HNRNPD: variants seen among roughly 807,000 people sequenced by gnomAD.
The protein encoded by HNRNPD is heterogeneous nuclear ribonucleoprotein D0.
HNRNPD carries 3 observed loss-of-function variants against 47.9 expected under a neutral mutation model. The ratio of observed to expected loss-of-function variants is 0.06; its 90% CI spans 0.03 to 0.16. HNRNPD has a LOEUF of 0.16. Ranked by LOEUF, HNRNPD falls within the 10% of genes least tolerant of loss-of-function variation. The probability of loss-of-function intolerance (pLI) is 1.00; values close to 1 mark genes in which losing one functional copy is unlikely to be tolerated. For synonymous variants in HNRNPD, 171 were observed against 165.1 expected, an observed-to-expected ratio of 1.04 and a Z score of -0.28; for missense variants, 287 against 454.2, an observed-to-expected ratio of 0.63 and a Z score of 3.35.
rs532379677 is a variant in HNRNPD, at chr4:82,365,609, G to A, written c.290+5919C>T. Among the ~76,000 whole-genome samples, 5 of 151,974 alleles carry A rather than the reference G, an allele frequency of 3.3e-5. No homozygotes were observed. In the East Asian group the frequency reaches 5.8e-4, roughly 18 times the overall value. ...AGATCTGATCTGGTATAAAATTCAT[G>A]AAAACCACTTTTTTGAGACAGAGTC... On this transcript the variant is annotated intron_variant, in intron 2 of 8. Transcript: ENST00000313899.
intron 2 of HNRNPD, among the ~76,000 whole-genome samples, chr4:82,368,639 C>T (rs1294374443): frequency 6.6e-6 from 1 of 152,158 alleles, no homozygotes; most frequent in African/African-American, 2.4e-5. Context: ...GTCAAAGGCT[C>T]CCAAGAATGC....
chr4:82,365,899 C>T (rs544254724), intron 2 of HNRNPD, among the ~76,000 whole-genome samples: 1 of 151,338 alleles, frequency 6.6e-6, no homozygotes, highest in East Asian at 1.9e-4. Context: ...CGTGAGCCAC[C>T]GCACCCAGCC....
Position 82,365,123 on chromosome 4 carries a change from C to A in HNRNPD, c.291-5484G>T, listed in dbSNP as rs180921338. On this transcript the variant is annotated intron_variant, in intron 2 of 8. Coordinates refer to ENST00000313899, the MANE Select transcript of HNRNPD (RefSeq NM_031370.3). ...CCAGGCTAGTCACAGAACTCCTGGACATAGCGATCAGCCTCCCAAAGTGCT... is the reference window on the plus strand; with the variant it reads ...CCAGGCTAGTCACAGAACTCCTGGAAATAGCGATCAGCCTCCCAAAGTGCT... Among the ~76,000 whole-genome samples, 33 of 152,300 alleles carry A rather than the reference C, an allele frequency of 2.2e-4. 1 individual carries two copies. The East Asian group carries it at 5.6e-3, about 26-fold the overall frequency.
intron 2 of HNRNPD, among the ~76,000 whole-genome samples, chr4:82,362,706 G>T (rs1391046563): frequency 6.6e-6 from 1 of 151,716 alleles, no homozygotes; most frequent in African/African-American, 2.4e-5. Context: ...AGGTTCAAGT[G>T]ATTCTCATTC....
At chr4:82,359,979 C>T (rs1723890652) in intron 2 of HNRNPD, among the ~76,000 whole-genome samples, 1 of 152,154 alleles carries the variant, frequency 6.6e-6, no homozygotes. Flanking sequence ...TCAAATTTCT[C>T]TTCCAAATGT....
chr4:82,358,439 C>T (rs941338792), intron 4 of HNRNPD: 1 of 426,504 alleles, frequency 2.3e-6, no homozygotes, highest in Non-Finnish European at 4.1e-6. Flanking sequence ...GTATACTCTA[C>T]CCCAGCAATA....
chr4:82,365,080 G>A (rs958000169), intron 2 of HNRNPD, among the ~76,000 whole-genome samples: 3 of 151,716 alleles, frequency 2.0e-5, no homozygotes, highest in Non-Finnish European at 2.9e-5. Context: ...TTTTAGAGAC[G>A]AGATCTTGCT....
intron 2 of HNRNPD, among the ~76,000 whole-genome samples, chr4:82,370,977 T>TAC (rs755789567): frequency 3.2e-4 from 11 of 34,500 alleles, no homozygotes; most frequent in Admixed American, 1.5e-3. Flanking sequence ...TAATGGTATA[T>TAC]ATATACACAC....
chr4:82,373,176 G>C (rs768147749), intron 1 of HNRNPD: 3 of 654,988 alleles, frequency 4.6e-6, no homozygotes, highest in African/African-American at 3.6e-5. Flanking sequence ...GACCCATGGC[G>C]AGGGAGGAAA....
chr4:82,366,034 G>C (rs966843483), intron 2 of HNRNPD, among the ~76,000 whole-genome samples: 9 of 151,938 alleles, frequency 5.9e-5, no homozygotes, highest in African/African-American at 1.9e-4. Flanking sequence ...TTAAAGAATA[G>C]GTATTCCTCT....
chr4:82,355,036 A>G (rs1723656651), intron 8 of HNRNPD: 1 of 436,194 alleles, frequency 2.3e-6, no homozygotes, highest in South Asian at 2.6e-5. Context: ...TGTCAGAGTT[A>G]GTAGGCAATA....
chr4:82,369,415 C>G (rs1221242184), intron 2 of HNRNPD, among the ~76,000 whole-genome samples: 1 of 152,104 alleles, frequency 6.6e-6, no homozygotes, highest in Non-Finnish European at 1.5e-5. Context: ...GCATGCCTTC[C>G]TAAAAATAGC....
intron 1 of HNRNPD, among the ~76,000 whole-genome samples, chr4:82,372,447 G>A (rs777395135): frequency 2.0e-5 from 3 of 152,142 alleles, no homozygotes; most frequent in African/African-American, 7.2e-5. Context: ...TTTCTCTTAA[G>A]AGGACTACAG....
rs909083774 is a variant in HNRNPD at position 82,373,496 on chromosome 4, G to A, written c.183C>T (p.Ala61=). The part of the protein sequence containing the change: ...TASGGTEGGS[A]ESEGAKIDAS... ...CGTCAATCTTCGCCCCCTCCGACTC[G>A]GCGCTGCCCCCTTCGGTGCCTCCAG... Residue 61 remains alanine (A), a synonymous_variant, in exon 1 of 9, where the codon GCC becomes GCT. Transcript: ENST00000313899. 3.2e-6 allele frequency: 5 copies of A among 1,550,190 alleles called. No homozygotes were observed. Among genetic ancestry groups the A allele is most frequent in the Non-Finnish European group, 4.4e-6 (5 of 1,146,594 alleles).
chr4:82,372,270 C>T lies in HNRNPD; in HGVS notation c.234-686G>A, dbSNP rs77160231. On this transcript the variant is annotated intron_variant, in intron 1 of 8. Transcript: ENST00000313899. Reference sequence around the variant, plus strand: ...AAGAAACCTGATTTAGTCCCTCCTGCTAACTCCCGTATTATGTTCCCAATC... The same window carrying T: ...AAGAAACCTGATTTAGTCCCTCCTGTTAACTCCCGTATTATGTTCCCAATC... Among the ~76,000 whole-genome samples the T allele has an allele frequency of 2.0e-5, 3 of 152,276 alleles. No individual in the cohort carries two copies. The East Asian group carries it at 5.8e-4, about 29-fold the overall frequency.
chr4:82,370,364 C>G (rs1719977074), intron 2 of HNRNPD, among the ~76,000 whole-genome samples: 1 of 152,136 alleles, frequency 6.6e-6, no homozygotes, highest in Non-Finnish European at 1.5e-5. Flanking sequence ...TTTCAAATCA[C>G]TGGAAACAAT....
chr4:82,355,767 C>T (rs1284321369), intron 7 of HNRNPD: 3 of 222,142 alleles, frequency 1.4e-5, no homozygotes, highest in Non-Finnish European at 2.6e-5. Flanking sequence ...AGTATCTCTG[C>T]CCTTCTAAGA....
intron 8 of HNRNPD, chr4:82,355,068 A>C: frequency 2.0e-6 from 1 of 507,844 alleles, no homozygotes; most frequent in African/African-American, 2.0e-5. Flanking sequence ...CAATTCCTTA[A>C]TTTGTACCCA....
At chr4:82,373,391 A>G (rs1278440483) in intron 1 of HNRNPD, 55 bp downstream of exon 1, 3 of 1,499,572 alleles carry the variant, frequency 2.0e-6, no homozygotes, top group East Asian at 5.1e-5. Context: ...CGGGGGAATA[A>G]AGAGGGGGAG....
Sources: allele counts gnomAD v4.1 joint callset (sites outside exome capture counted in the v4.1 genomes callset), GRCh38; gene constraint gnomAD v4.1.1; transcripts MANE v1.5; gene names NCBI Gene and HGNC (gene_info 2026-07-23, HGNC 2026-07-21).